The following GBP7 variants were observed in gnomAD, a reference collection of about 807,000 sequenced individuals.
GBP7 encodes guanylate binding protein 7, also known as guanylate-binding protein 7.
A neutral mutation model predicts 61.3 loss-of-function variants in GBP7; 43 were observed. The ratio of observed to expected loss-of-function variants is 0.70; its 90% confidence interval spans 0.55 to 0.91. The LOEUF is 0.91. GBP7 is among the 40% of genes least tolerant of loss of function. GBP7 has a pLI of 0.00. For missense variants in GBP7, 717 were observed against 740.5 expected (o/e 0.97, Z 0.37); for synonymous variants, 267 against 271.0 (o/e 0.99, Z 0.14).
At chr1:89,175,170 T>C (rs913018434) in intron 1 of GBP7, among the ~76,000 whole-genome samples, 1 of 152,212 alleles carries the variant, frequency 6.6e-6, no homozygotes, top group Admixed American at 6.5e-5. Flanking sequence ...GCAGTTTTCT[T>C]TTTTATCCTA....
chr1:89,137,448 G>A (rs941444712), intron 9 of GBP7, among the ~76,000 whole-genome samples: 4 of 151,912 alleles, frequency 2.6e-5, no homozygotes, highest in African/African-American at 9.7e-5. Context: ...ATTAAAAAGC[G>A]AACCCACCAC....
intron 8 of GBP7, among the ~76,000 whole-genome samples, chr1:89,146,001 C>T (rs895988241): frequency 2.6e-5 from 4 of 151,870 alleles, no homozygotes; most frequent in African/African-American, 9.7e-5. Flanking sequence ...CATAAAAGAC[C>T]CCAAATAGCC....
At chr1:89,173,883 G>A (rs1647669043) in intron 1 of GBP7, among the ~76,000 whole-genome samples, 1 of 152,046 alleles carries the variant, frequency 6.6e-6, no homozygotes, top group African/African-American at 2.4e-5. Flanking sequence ...ACATTGCAGT[G>A]GTCTTCTATT....
rs779555215 is a variant in GBP7 at position 89,164,863 on chromosome 1, A to C, written c.191-5T>G. Reference sequence around the variant, plus strand: ...CTGTGCAGCCCAGAGGGAAGCCTTCAAGGGAAGAGGAGAAACAACATATAG... The same window carrying C: ...CTGTGCAGCCCAGAGGGAAGCCTTCCAGGGAAGAGGAGAAACAACATATAG... On this transcript the variant is annotated splice_polypyrimidine_tract_variant and splice_region_variant and intron_variant, in intron 2 of 10. Transcript: ENST00000294671. 6.2e-7 allele frequency: 1 copy of C among 1,613,386 alleles called. No homozygotes were observed. Among genetic ancestry groups the C allele is most frequent in the Non-Finnish European group, 8.5e-7 (1 of 1,179,566 alleles).
chr1:89,151,361 A>G (rs1165827712), intron 5 of GBP7, among the ~76,000 whole-genome samples: 1 of 152,164 alleles, frequency 6.6e-6, no homozygotes, highest in African/African-American at 2.4e-5. Context: ...TCTCAATCTT[A>G]CTGTCCCCAT....
chr1:89,158,555 A>G (rs1379731131), intron 3 of GBP7, among the ~76,000 whole-genome samples: 1 of 152,212 alleles, frequency 6.6e-6, no homozygotes, highest in African/African-American at 2.4e-5. Flanking sequence ...AAGCATTCTT[A>G]TACACCAATA....
intron 8 of GBP7, among the ~76,000 whole-genome samples, chr1:89,144,409 G>T (rs1036526969): frequency 3.9e-5 from 6 of 151,936 alleles, no homozygotes; most frequent in Admixed American, 1.3e-4. Context: ...GGGATTGCTG[G>T]GTTGAATAAT....
chr1:89,171,900 G>C lies in GBP7; in HGVS notation c.36C>G (p.Cys12Trp), dbSNP rs760064197. The C allele has an allele frequency of 2.5e-5, 41 of 1,612,996 alleles. No individual in the cohort carries two copies. The highest frequency in any genetic ancestry group is 2.8e-5 in the Non-Finnish European group (33 of 1,179,316). Reference sequence around the variant, plus strand: ...GATGCCCTTTAGTGTTCTCAGTGAGGCACACTGGGCCTGGCATGTGGATCT... The same window carrying C: ...GATGCCCTTTAGTGTTCTCAGTGAGCCACACTGGGCCTGGCATGTGGATCT... ...ASEIHMPGPV[C>W]LTENTKGHLV... The change falls in exon 2 of 11, where the codon TGC (cysteine) becomes TGG (tryptophan). Residue 12 changes from cysteine (C) to tryptophan (W), a missense_variant. Physicochemically the swap from Cys to Trp is radical, Grantham distance 215. Around this residue, in one of 3 missense-constraint regions of GBP7, gnomAD observed 387 missense variants for 385.2 expected, o/e 1.00. Transcript: ENST00000294671.
chr1:89,159,236 T>C (rs1206869169), intron 3 of GBP7, among the ~76,000 whole-genome samples: 1 of 152,198 alleles, frequency 6.6e-6, no homozygotes, highest in Non-Finnish European at 1.5e-5. Flanking sequence ...TCTTAAATGT[T>C]AGACCTAAAA....
chr1:89,153,886 A>G (rs1682257208), intron 3 of GBP7, among the ~76,000 whole-genome samples: 1 of 152,220 alleles, frequency 6.6e-6, no homozygotes, highest in Admixed American at 6.5e-5. Context: ...ACATAAAATC[A>G]GGACTTGTGG....
chr1:89,158,797 A>G lies in GBP7; in HGVS notation c.318+5934T>C, dbSNP rs564308086. Among the ~76,000 whole-genome samples, 16 of 152,342 alleles carry G rather than the reference A, an allele frequency of 1.1e-4. No homozygotes were observed. In the South Asian group the frequency reaches 3.3e-3, roughly 32 times the overall value. ...ATGGCCCTACTGCCCAAGGTAATTTATAGATTCAATGCCATCCCCATCAAG... is the reference window on the plus strand; with the variant it reads ...ATGGCCCTACTGCCCAAGGTAATTTGTAGATTCAATGCCATCCCCATCAAG... On this transcript the variant is annotated intron_variant, in intron 3 of 10. Coordinates refer to ENST00000294671, the MANE Select transcript of GBP7 (RefSeq NM_207398.3).
Position 89,133,315 on chromosome 1 carries a change from C to T in GBP7, c.1605G>A (p.Glu535=), listed in dbSNP as rs1380915348. Residue 535 remains glutamate (E), a synonymous_variant, in exon 10 of 11, where the codon GAG becomes GAA. Transcript: ENST00000294671. ...ENIAQLKKKM[E]RERENYMREL... is the part of the protein sequence containing the mutation. ...CTCTCATATAGTTTTCCCTTTCCCT[C>T]TCCATCTTCTTCTTGAGTTGAGCTA... 6.2e-7 allele frequency: 1 copy of T among 1,613,966 alleles called. No homozygotes were observed. The highest frequency in any genetic ancestry group is 1.3e-5 in the African/African-American group (1 of 74,918).
At chr1:89,140,279 G>A (rs1334686149) in intron 9 of GBP7, among the ~76,000 whole-genome samples, 13 of 127,882 alleles carry the variant, frequency 1.0e-4, no homozygotes, top group African/African-American at 2.4e-4. Context: ...ATCACACTCC[G>A]GGGACTGTTG....
intron 3 of GBP7, among the ~76,000 whole-genome samples, chr1:89,159,843 C>T (rs763110199): frequency 9.2e-5 from 14 of 152,206 alleles, no homozygotes; most frequent in South Asian, 2.1e-4. Flanking sequence ...CCATTTAACC[C>T]AGCCATCCTA....
chr1:89,142,774 C>T (rs1681982047), intron 8 of GBP7, among the ~76,000 whole-genome samples: 1 of 64,006 alleles, frequency 1.6e-5, no homozygotes, highest in Non-Finnish European at 3.0e-5. Context: ...GGTTATTTTC[C>T]TTGTTCCCTT....
intron 8 of GBP7, among the ~76,000 whole-genome samples, chr1:89,144,535 A>G (rs994347915): frequency 6.6e-6 from 1 of 152,076 alleles, no homozygotes; most frequent in Non-Finnish European, 1.5e-5. Context: ...CTACAACCTC[A>G]CCAGTATGTG....
chr1:89,158,037 G>C (rs551986409), intron 3 of GBP7, among the ~76,000 whole-genome samples: 1 of 152,184 alleles, frequency 6.6e-6, no homozygotes, highest in African/African-American at 2.4e-5. Flanking sequence ...TTCATCCCTG[G>C]GATGCAAGGC....
chr1:89,149,390 G>C lies in GBP7; in HGVS notation c.1054C>G (p.Leu352Val), dbSNP rs771339090. ...TCACAAACTGCATGCACGTCCAGCA[G>C]CTCCTGGAGTGTGTCTGTGGGGAAT... ...VRFPTDTLQE[L>V]LDVHAVCERE... The change falls in exon 7 of 11, where the codon CTG becomes GTG. Residue 352 changes from leucine (L) to valine (V), a missense_variant. By Grantham distance (32) the Leu-to-Val change is conservative. Transcript: ENST00000294671. 1.9e-6 allele frequency: 3 copies of C among 1,614,084 alleles called. No homozygotes were observed. Among genetic ancestry groups the C allele is most frequent in the South Asian group, 2.2e-5 (2 of 91,094 alleles).
chr1:89,154,704 T>TAAATA (rs955042063), intron 3 of GBP7, among the ~76,000 whole-genome samples: 128 of 149,824 alleles, frequency 8.5e-4, no homozygotes, highest in South Asian at 2.1e-3. Context: ...ACCCCCAAAC[T>TAAATA]AAATAAAATA....
Sources: allele counts gnomAD v4.1 joint callset (sites outside exome capture counted in the v4.1 genomes callset), GRCh38; gene constraint gnomAD v4.1.1; regional missense constraint gnomAD v4.1.1; transcripts MANE v1.5; gene names NCBI Gene and HGNC (gene_info 2026-07-23, HGNC 2026-07-21).